The following CRABP1 variants were observed in gnomAD, a reference collection of about 807,000 sequenced individuals.
The protein encoded by CRABP1 is cellular retinoic acid-binding protein 1.
CRABP1 carries 9 observed loss-of-function variants against 16.4 expected under a neutral mutation model. The observed-to-expected ratio is 0.55, with a 90% confidence interval of 0.33 to 0.96. The LOEUF is 0.96. CRABP1 is among the 40% of genes least tolerant of loss of function. The pLI is 0.03. For missense variants in CRABP1, 157 were observed against 186.0 expected (o/e 0.84, Z 0.91); for synonymous variants, 72 against 70.4 (o/e 1.02, Z -0.11).
rs775117459 is a variant in CRABP1, at chr15:78,343,451, C to G, written c.250-48C>G. The G allele has an allele frequency of 3.5e-6, 5 of 1,438,956 alleles. 1 individual carries two copies. The South Asian group carries it at 5.8e-5, about 17-fold the overall frequency. 89.1% of individuals were successfully genotyped at this position (1,438,956 alleles called of 1,614,324 possible). A position where few individuals can be genotyped will look rare whatever the true frequency, so the allele number is the denominator to read the frequency against. On this transcript the variant is annotated intron_variant, in intron 2 of 3. Transcript: ENST00000299529. ...CAATGCTCATTGTTGTCCCTGCTCC[C>G]GCTGCTGAGACTCTAATTAATGTCA...
At chr15:78,345,043 G>A (rs1028065017) in intron 3 of CRABP1, among the ~76,000 whole-genome samples, 1 of 152,156 alleles carries the variant, frequency 6.6e-6, no homozygotes, top group South Asian at 2.1e-4. Context: ...TTCTCCATTA[G>A]GTATTTTGTT....
At chr15:78,345,172 G>C (rs551930632) in intron 3 of CRABP1, among the ~76,000 whole-genome samples, 358 of 152,262 alleles carry the variant, frequency 2.4e-3, no homozygotes, top group Non-Finnish European at 2.5e-3. Context: ...CCCTTCCCAA[G>C]CTCTTCCCCT....
intron 3 of CRABP1, among the ~76,000 whole-genome samples, chr15:78,345,859 C>T (rs1451477555): frequency 6.6e-6 from 1 of 152,150 alleles, no homozygotes; most frequent in Non-Finnish European, 1.5e-5. Flanking sequence ...GGCAATTATT[C>T]TAGTTAAGTT....
intron 3 of CRABP1, among the ~76,000 whole-genome samples, chr15:78,346,162 A>T (rs1460033754): frequency 6.6e-6 from 1 of 152,186 alleles, no homozygotes; most frequent in Non-Finnish European, 1.5e-5. Flanking sequence ...GCCATTTGAC[A>T]ATCCATGGCT....
chr15:78,342,149 G>C (rs2050238945), intron 2 of CRABP1, among the ~76,000 whole-genome samples: 1 of 152,096 alleles, frequency 6.6e-6, no homozygotes, highest in Non-Finnish European at 1.5e-5. Flanking sequence ...CCCCCCAGAA[G>C]CAGGCTGATC....
chr15:78,347,304 G>T (rs569161994), intron 3 of CRABP1, among the ~76,000 whole-genome samples: 1 of 152,164 alleles, frequency 6.6e-6, no homozygotes, highest in Admixed American at 6.5e-5. Flanking sequence ...AACAGGCCAC[G>T]AGAGGAAAAC....
chr15:78,343,581 C>T lies in CRABP1; in HGVS notation c.332C>T (p.Thr111Ile). The T allele has an allele frequency of 6.2e-7, 1 of 1,614,158 alleles. No homozygotes were observed. The change falls in exon 3 of 4, where the codon ACC (threonine) becomes ATC (isoleucine). Residue 111 changes from threonine to isoleucine, a missense_variant. Physicochemically the swap from Thr to Ile is moderately conservative, Grantham distance 89. Coordinates refer to ENST00000299529, the MANE Select transcript of CRABP1 (RefSeq NM_004378.3). The part of the protein sequence containing the change: ...LEGDGPKTYW[T>I]RELANDELIL... ...GGGGACGGCCCCAAAACCTACTGGACCCGTGAGCTGGCCAACGATGAACTT... is the reference window on the plus strand; with the variant it reads ...GGGGACGGCCCCAAAACCTACTGGATCCGTGAGCTGGCCAACGATGAACTT...
In CRABP1 at chr15:78,345,485, G is replaced by A. The variant is rs73457576; in HGVS notation, c.363+1873G>A. 6.6e-3 allele frequency among the ~76,000 whole-genome samples: 998 copies of A among 152,250 alleles called. 13 individuals are homozygous for A. The highest frequency in any genetic ancestry group is 0.023 in the African/African-American group (966 of 41,524). On this transcript the variant is annotated intron_variant, in intron 3 of 3. Transcript: ENST00000299529. ...GAAATTTAGGAGAAAAGGCGTATAT[G>A]GTTTACTGGTACCAGAGACAGCAGA...
At position 78,340,448 on chromosome 15, in the gene CRABP1, C is replaced by G. The variant is rs2050225719; in HGVS notation, c.20C>G (p.Thr7Ser). Reference sequence around the variant, plus strand: ...GCCACCATGCCCAACTTCGCCGGCACCTGGAAGATGCGCAGCAGCGAGAAT... The same window carrying G: ...GCCACCATGCCCAACTTCGCCGGCAGCTGGAAGATGCGCAGCAGCGAGAAT... The part of the protein sequence containing the change: MPNFAG[T>S]WKMRSSENFD... Residue 7 changes from threonine to serine, a missense_variant, in exon 1 of 4, where the codon ACC (threonine) becomes AGC (serine). By Grantham distance (58) the Thr-to-Ser change is moderately conservative. Coordinates refer to ENST00000299529, the MANE Select transcript of CRABP1 (RefSeq NM_004378.3). The G allele has an allele frequency of 6.2e-7, 1 of 1,603,972 alleles. No homozygotes were observed. Among genetic ancestry groups the G allele is most frequent in the African/African-American group, 1.3e-5 (1 of 74,816 alleles).
In CRABP1 at chr15:78,341,504, T is replaced by C; in HGVS notation, c.249+283T>C. ...CTGGGTTGCGCCGCGTTCCCAGCAG[T>C]GGCTTTTGCAGCGGTTTGCAGCGCC... is the stretch of plus-strand genomic sequence containing the variant. On this transcript the variant is annotated intron_variant, in intron 2 of 3. Coordinates refer to ENST00000299529, the MANE Select transcript of CRABP1 (RefSeq NM_004378.3). This position sits in a 1 kb window ranked among gnomAD's most constrained non-coding sequence, Gnocchi z 5.3. The C allele has an allele frequency of 4.7e-6, 2 of 422,478 alleles. No homozygotes were observed. The highest frequency in any genetic ancestry group is 8.9e-6 in the Non-Finnish European group (2 of 224,518). 26.2% of individuals were successfully genotyped at this position (422,478 alleles called of 1,614,324 possible). A position where few individuals can be genotyped will look rare whatever the true frequency, so the allele number is the denominator to read the frequency against.
At chr15:78,345,797 T>G in intron 3 of CRABP1, among the ~76,000 whole-genome samples, 1 of 152,218 alleles carries the variant, frequency 6.6e-6, no homozygotes, top group East Asian at 1.9e-4. Flanking sequence ...TCAAGGGTTA[T>G]TATCATTAAT....
intron 3 of CRABP1, among the ~76,000 whole-genome samples, chr15:78,347,563 T>C (rs866817606): frequency 6.6e-6 from 1 of 152,234 alleles, no homozygotes; most frequent in Admixed American, 6.5e-5. Context: ...AGCTTCTTTC[T>C]ATCTTGAAGT....
intron 3 of CRABP1, 25 bp from the exon 4 acceptor site, chr15:78,347,902 G>A (rs1338434715): frequency 6.2e-7 from 1 of 1,613,824 alleles, no homozygotes; most frequent in East Asian, 2.2e-5. Context: ...GCACTGATTG[G>A]TTTTCCTTTT....
chr15:78,346,987 G>GTTTTTTTTTTTTTTTTTTTT (rs202225866), intron 3 of CRABP1, among the ~76,000 whole-genome samples: 1 of 143,152 alleles, frequency 7.0e-6, no homozygotes, highest in African/African-American at 2.8e-5. Context: ...CTTGGTTTTT[G>GTTTTTTTTTTTTTTTTTTTT]TTTTTGTTTT....
chr15:78,343,662 C>T lies in CRABP1; in HGVS notation c.363+50C>T, dbSNP rs190906271. Reference sequence around the variant, plus strand: ...AATCCTGAAGTTCCCCCAGAGGGGGCCCCAGATGGGCCCCACAAATATGTC... The same window carrying T: ...AATCCTGAAGTTCCCCCAGAGGGGGTCCCAGATGGGCCCCACAAATATGTC... On this transcript the variant is annotated intron_variant, in intron 3 of 3. Transcript: ENST00000299529. The T allele has an allele frequency of 1.0e-3, 1,483 of 1,438,680 alleles. 1 individual carries two copies. Among genetic ancestry groups the T allele is most frequent in the Non-Finnish European group, 1.3e-3 (1,366 of 1,030,144 alleles). The allele number at this position is 1,438,680 out of a possible 1,614,324, so 89.1% of individuals were successfully genotyped here. A position where few individuals can be genotyped will look rare whatever the true frequency, so the allele number is the denominator to read the frequency against.
intron 3 of CRABP1, 59 bp downstream of exon 3, chr15:78,343,671 G>A: frequency 7.5e-7 from 1 of 1,332,926 alleles, no homozygotes. Context: ...GCCCCAGATG[G>A]GCCCCACAAA....
At position 78,341,265 on chromosome 15, in the gene CRABP1, G is replaced by C; in HGVS notation, c.249+44G>C. ...TACAGCGTCCCCGTGTCCCCGCTCG[G>C]TGCCCATGGCCCACTGCTGCTGGAG... is the stretch of plus-strand genomic sequence containing the variant. On this transcript the variant is annotated intron_variant, in intron 2 of 3. Coordinates refer to ENST00000299529, the MANE Select transcript of CRABP1 (RefSeq NM_004378.3). The surrounding 1 kb of genome is among the most constrained non-coding windows in gnomAD (Gnocchi z 5.3). The C allele has an allele frequency of 2.5e-6, 4 of 1,576,216 alleles. No individual in the cohort carries two copies. The highest frequency in any genetic ancestry group is 3.4e-6 in the Non-Finnish European group (4 of 1,160,412).
Position 78,340,414 on chromosome 15 carries a change from G to A in CRABP1, c.-15G>A, listed in dbSNP as rs2050225256. 1 of 1,583,198 alleles carries A rather than the reference G, an allele frequency of 6.3e-7. No individual in the cohort carries two copies. On this transcript the variant is annotated 5_prime_UTR_variant, in exon 1 of 4. Coordinates refer to ENST00000299529, the MANE Select transcript of CRABP1 (RefSeq NM_004378.3). ...GCCGCCGCTGTCCGTACCTGCCGCC[G>A]CCGCCACCGCCACCATGCCCAACTT...
rs1382647858 is a variant in CRABP1, at chr15:78,348,093, G to A, written c.*116G>A. Reference sequence around the variant, plus strand: ...TCCCCTACCAATATTAGGTGATCCCGTTTTCCCCATGACAATGTTGTAGTG... The same window carrying A: ...TCCCCTACCAATATTAGGTGATCCCATTTTCCCCATGACAATGTTGTAGTG... On this transcript the variant is annotated 3_prime_UTR_variant, in exon 4 of 4. Coordinates refer to ENST00000299529, the MANE Select transcript of CRABP1 (RefSeq NM_004378.3). 21 of 979,448 alleles carry A rather than the reference G, an allele frequency of 2.1e-5. No homozygotes were observed. The highest frequency in any genetic ancestry group is 4.8e-5 in the East Asian group (2 of 41,518). 60.7% of individuals were successfully genotyped at this position (979,448 alleles called of 1,614,324 possible).
Sources: allele counts gnomAD v4.1 joint callset (sites outside exome capture counted in the v4.1 genomes callset), GRCh38; gene constraint gnomAD v4.1.1; non-coding constraint Gnocchi (gnomAD v3.1); transcripts MANE v1.5; gene names NCBI Gene and HGNC (gene_info 2026-07-23, HGNC 2026-07-21).